The following UMAD1 variants were observed in gnomAD, a reference collection of about 807,000 sequenced individuals.
UMAD1 encodes the protein UBAP1-MVB12-associated (UMA)-domain containing protein 1.
In UMAD1, 8 loss-of-function variants were observed where a neutral mutation model predicts 6.1. The ratio of observed to expected loss-of-function variants is 1.30; its 90% CI spans 0.76 to 2.35. The LOEUF (loss-of-function observed/expected upper bound fraction) is 2.35. UMAD1 is among the 30% of genes most tolerant of loss of function. UMAD1 has a pLI of 0.00. For missense variants in UMAD1, 130 were observed against 78.4 expected (o/e 1.66, Z -2.49); for synonymous variants, 56 against 31.4 (o/e 1.78, Z -2.61).
chr7:7,703,165 A>G (rs1780505730), intron 2 of UMAD1, among the ~76,000 whole-genome samples: 1 of 152,204 alleles, frequency 6.6e-6, no homozygotes, highest in East Asian at 1.9e-4. Flanking sequence ...GAAAATAATT[A>G]CTGGTGCCCA....
intron 3 of UMAD1, among the ~76,000 whole-genome samples, chr7:7,848,139 A>G (rs1456189359): frequency 2.0e-5 from 3 of 152,192 alleles, no homozygotes; most frequent in Admixed American, 6.5e-5. Flanking sequence ...TGTTAACATT[A>G]TTAATCAACT....
At chr7:7,709,528 G>T (rs1780695237) in intron 2 of UMAD1, among the ~76,000 whole-genome samples, 1 of 152,232 alleles carries the variant, frequency 6.6e-6, no homozygotes, top group Admixed American at 6.5e-5. Flanking sequence ...ACTTGAAGTT[G>T]AAAGAAAAGT....
At chr7:7,874,920 C>G (rs1583888665) in intron 3 of UMAD1, among the ~76,000 whole-genome samples, 2 of 152,082 alleles carry the variant, frequency 1.3e-5, no homozygotes, top group Non-Finnish European at 2.9e-5. Context: ...AAAAATTTAG[C>G]AAGTTACACC....
At chr7:7,697,459 C>T (rs1780348658) in intron 2 of UMAD1, among the ~76,000 whole-genome samples, 1 of 152,090 alleles carries the variant, frequency 6.6e-6, no homozygotes, top group Non-Finnish European at 1.5e-5. Context: ...TGGGTACATA[C>T]TGGAAACTTT....
intron 2 of UMAD1, among the ~76,000 whole-genome samples, chr7:7,790,182 G>A (rs541807654): frequency 2.8e-4 from 42 of 152,216 alleles, no homozygotes; most frequent in Admixed American, 2.4e-3. Context: ...TGATTCTTAG[G>A]CCTTTCACCA....
chr7:7,829,263 A>C (rs1038583840), intron 3 of UMAD1, among the ~76,000 whole-genome samples: 1 of 151,966 alleles, frequency 6.6e-6, no homozygotes, highest in Non-Finnish European at 1.5e-5. Context: ...GAGCAGCAGC[A>C]ATCACTTGCA....
intron 3 of UMAD1, among the ~76,000 whole-genome samples, chr7:7,864,602 T>TAC (rs59036228): frequency 0.1 from 13,974 of 139,982 alleles, 815 homozygotes; most frequent in Non-Finnish European, 0.13. Context: ...ACATGAAAAC[T>TAC]ACACACACAC....
At chr7:7,683,679 G>C (rs370710815) in intron 2 of UMAD1, among the ~76,000 whole-genome samples, 1 of 151,616 alleles carries the variant, frequency 6.6e-6, no homozygotes, top group Non-Finnish European at 1.5e-5. Flanking sequence ...CTGGAGTGCA[G>C]TGGCATGGTC....
intron 2 of UMAD1, among the ~76,000 whole-genome samples, chr7:7,692,735 GA>G (rs1033110999): frequency 2.6e-5 from 4 of 151,936 alleles, no homozygotes; most frequent in African/African-American, 9.7e-5. Flanking sequence ...TCAGCCTCCC[GA>G]GTAGTTGGGA....
intron 2 of UMAD1, among the ~76,000 whole-genome samples, chr7:7,753,440 C>T (rs559403293): frequency 6.6e-6 from 1 of 152,328 alleles, no homozygotes; most frequent in South Asian, 2.1e-4. Flanking sequence ...TTCCTTGCCT[C>T]TGGTAACCAT....
At chr7:7,705,548 A>G (rs375519348) in intron 2 of UMAD1, among the ~76,000 whole-genome samples, 22 of 152,218 alleles carry the variant, frequency 1.4e-4, no homozygotes, top group African/African-American at 5.1e-4. Flanking sequence ...GGCTCTAAGT[A>G]CTATGCTTGT....
intron 2 of UMAD1, among the ~76,000 whole-genome samples, chr7:7,783,765 CA>C (rs1258638329): frequency 6.6e-6 from 1 of 152,134 alleles, no homozygotes; most frequent in African/African-American, 2.4e-5. Context: ...AAACTAACAA[CA>C]AAAAACTGTT....
intron 3 of UMAD1, among the ~76,000 whole-genome samples, chr7:7,815,949 G>A (rs1026160486): frequency 6.6e-6 from 1 of 152,104 alleles, no homozygotes; most frequent in Non-Finnish European, 1.5e-5. Context: ...ATAGAGAGAA[G>A]CATTCATTAG....
At chr7:7,767,424 C>G (rs982651718) in intron 2 of UMAD1, among the ~76,000 whole-genome samples, 2 of 152,160 alleles carry the variant, frequency 1.3e-5, no homozygotes, top group Admixed American at 6.5e-5. Context: ...CGCGCCCAGC[C>G]AGAAATTAAG....
At chr7:7,743,163 CTGG>C (rs1004319965) in intron 2 of UMAD1, among the ~76,000 whole-genome samples, 2 of 152,080 alleles carry the variant, frequency 1.3e-5, no homozygotes, top group Non-Finnish European at 2.9e-5. Context: ...CAGTTTTGGT[CTGG>C]TGGTGCAGGA....
intron 2 of UMAD1, among the ~76,000 whole-genome samples, chr7:7,730,416 G>A (rs1364670059): frequency 1.3e-5 from 2 of 152,180 alleles, no homozygotes; most frequent in African/African-American, 4.8e-5. Flanking sequence ...GGACATGTTT[G>A]CTGCTTCTTG....
At chr7:7,705,417 T>C (rs1443404646) in intron 2 of UMAD1, among the ~76,000 whole-genome samples, 1 of 152,210 alleles carries the variant, frequency 6.6e-6, no homozygotes, top group Non-Finnish European at 1.5e-5. Context: ...CACGATAAAA[T>C]AACTATGTAG....
intron 2 of UMAD1, among the ~76,000 whole-genome samples, chr7:7,753,743 C>G (rs1222639122): frequency 6.6e-6 from 1 of 152,160 alleles, no homozygotes; most frequent in Non-Finnish European, 1.5e-5. Flanking sequence ...CATGGGAGTG[C>G]AGATATCTCT....
intron 2 of UMAD1, among the ~76,000 whole-genome samples, chr7:7,707,367 T>C (rs1450964318): frequency 6.6e-6 from 1 of 152,184 alleles, no homozygotes; most frequent in East Asian, 1.9e-4. Context: ...TTTGCTTGCC[T>C]TGAATGACTT....
Sources: allele counts gnomAD v4.1 joint callset (sites outside exome capture counted in the v4.1 genomes callset), GRCh38; gene constraint gnomAD v4.1.1; transcripts MANE v1.5; gene names NCBI Gene and HGNC (gene_info 2026-07-23, HGNC 2026-07-21).